Variants in DMD observed in about 807,000 individuals in gnomAD.
The protein encoded by DMD is dystrophin.
DMD carries 63 observed loss-of-function variants against 330.1 expected under a neutral mutation model. The ratio of observed to expected loss-of-function variants is 0.19; its 90% CI spans 0.16 to 0.24. The LOEUF is 0.24. Ranked by LOEUF, DMD falls within the 10% of genes least tolerant of loss-of-function variation. DMD has a pLI of 1.00. For synonymous variants in DMD, 1,223 were observed against 959.8 expected (o/e 1.27, Z -5.07); for missense variants, 3,344 against 2,684.1 (o/e 1.25, Z -5.43).
chrX:31,273,652 A>G (rs2147817160), intron 62 of DMD, among the ~76,000 whole-genome samples: 1 of 112,237 alleles, frequency 8.9e-6, no homozygotes, highest in African/African-American at 3.2e-5. Flanking sequence ...CAAATGCTAC[A>G]GATGAAGACA....
chrX:32,762,370 C>T (rs745493600), intron 7 of DMD, among the ~76,000 whole-genome samples: 8 of 111,178 alleles, frequency 7.2e-5, no homozygotes, highest in Non-Finnish European at 9.4e-5. Flanking sequence ...ACCATCTCTT[C>T]GGCATTCTCC....
At chrX:32,379,719 T>A (rs775128773) in intron 34 of DMD, among the ~76,000 whole-genome samples, 9 of 111,599 alleles carry the variant, frequency 8.1e-5, no homozygotes, top group Non-Finnish European at 1.1e-4. Flanking sequence ...ATTTCCCAAC[T>A]TTGAATAATC....
intron 55 of DMD, among the ~76,000 whole-genome samples, chrX:31,567,004 T>C (rs1221497004): frequency 2.7e-5 from 3 of 111,333 alleles, no homozygotes; most frequent in Admixed American, 9.5e-5. Context: ...ATGAGGAGCA[T>C]CTGTATATAA....
intron 45 of DMD, among the ~76,000 whole-genome samples, chrX:31,940,774 G>A (rs1000207862): frequency 3.6e-5 from 4 of 109,696 alleles, no homozygotes; most frequent in African/African-American, 1.3e-4. Context: ...GGGAAAGAAC[G>A]CCCTAAGCAG....
intron 13 of DMD, among the ~76,000 whole-genome samples, chrX:32,591,258 A>C (rs772671168): frequency 8.9e-6 from 1 of 112,263 alleles, no homozygotes; most frequent in Non-Finnish European, 1.9e-5. Context: ...TATATGGCAG[A>C]AATTCTCCTG....
intron 44 of DMD, among the ~76,000 whole-genome samples, chrX:31,972,466 G>A (rs1244899457): frequency 9.0e-6 from 1 of 111,532 alleles, no homozygotes; most frequent in Non-Finnish European, 1.9e-5. Flanking sequence ...ATGAAAAATA[G>A]AATGTGACAA....
chrX:32,183,553 AATATATATATATATATAAATATAT>A (rs1440453426), intron 44 of DMD, among the ~76,000 whole-genome samples: 1 of 83,984 alleles, frequency 1.2e-5, no homozygotes, highest in African/African-American at 4.5e-5. Flanking sequence ...CAGCTACACA[AATATATATATATATATAAATATAT>A]ATATATATAT....
intron 52 of DMD, among the ~76,000 whole-genome samples, chrX:31,710,678 C>A (rs898439407): frequency 1.8e-5 from 2 of 111,360 alleles, no homozygotes; most frequent in African/African-American, 6.5e-5. Context: ...ATTATTATTT[C>A]TTCTTTCAAA....
chrX:32,996,837 G>T (rs995760382), intron 2 of DMD, among the ~76,000 whole-genome samples: 8 of 110,497 alleles, frequency 7.2e-5, no homozygotes, highest in African/African-American at 2.3e-4. Flanking sequence ...AAACTAGCTT[G>T]CATTTTATTG....
chrX:33,009,052 G>C (rs1331653113), intron 2 of DMD, among the ~76,000 whole-genome samples: 1 of 90,811 alleles, frequency 1.1e-5, no homozygotes, highest in East Asian at 3.6e-4. Context: ...ATGTATATGT[G>C]TCTATATGCA....
At chrX:31,900,247 G>T (rs896892162) in intron 47 of DMD, among the ~76,000 whole-genome samples, 3 of 111,145 alleles carry the variant, frequency 2.7e-5, no homozygotes, top group Non-Finnish European at 3.8e-5. Flanking sequence ...TCACTGATAC[G>T]GTTTGGCTGT....
In DMD at chrX:31,509,699, C is replaced by G. The variant is rs182939469; in HGVS notation, c.8218-2246G>C. Among the ~76,000 whole-genome samples, 33 of 112,051 alleles carry G rather than the reference C, an allele frequency of 2.9e-4. No homozygotes were observed. In the East Asian group the frequency reaches 6.7e-3, roughly 23 times the overall value. The stretch of plus-strand genomic sequence containing the variant: ...AGGATGTTGATTCATGAATTTGCTA[C>G]TTTTCATCTTTGCCATATATATTAT... On this transcript the variant is annotated intron_variant, in intron 55 of 78. Transcript: ENST00000357033.
chrX:32,664,135 G>A (rs191321415), intron 9 of DMD, among the ~76,000 whole-genome samples: 132 of 111,337 alleles, frequency 1.2e-3, no homozygotes, highest in Non-Finnish European at 2.2e-3. Context: ...TGTTTAAAAG[G>A]CTATTTCACT....
At chrX:31,299,029 G>A (rs1425045561) in intron 62 of DMD, among the ~76,000 whole-genome samples, 1 of 111,660 alleles carries the variant, frequency 9.0e-6, no homozygotes, top group Non-Finnish European at 1.9e-5. Context: ...GCTAATGATG[G>A]AAGACTGTTG....
chrX:32,213,141 C>T (rs1289432022), intron 44 of DMD, among the ~76,000 whole-genome samples: 5 of 112,091 alleles, frequency 4.5e-5, no homozygotes, highest in African/African-American at 1.6e-4. Flanking sequence ...CTTCAGACTC[C>T]AACGTGCTTC....
At chrX:32,225,732 A>C (rs1230066673) in intron 43 of DMD, among the ~76,000 whole-genome samples, 2 of 103,565 alleles carry the variant, frequency 1.9e-5, no homozygotes, top group Middle Eastern at 4.4e-3. Context: ...CCCACCACCA[A>C]CTCTCTCTCT....
intron 56 of DMD, among the ~76,000 whole-genome samples, chrX:31,505,419 T>C (rs2070839198): frequency 1.8e-5 from 2 of 111,503 alleles, no homozygotes; most frequent in Admixed American, 9.5e-5. Context: ...CAAAACCTTA[T>C]ACATAAAAAT....
chrX:32,566,933 C>T (rs2051788348), intron 15 of DMD, among the ~76,000 whole-genome samples: 1 of 111,970 alleles, frequency 8.9e-6, no homozygotes, highest in Admixed American at 9.5e-5. Flanking sequence ...TAAACTAAAT[C>T]GCGATACCTG....
chrX:32,793,952 C>A (rs1488326501), intron 7 of DMD, among the ~76,000 whole-genome samples: 1 of 111,441 alleles, frequency 9.0e-6, no homozygotes, highest in Non-Finnish European at 1.9e-5. Context: ...AAATACAGGA[C>A]AACATCCCTG....
Sources: gnomAD v4.1 joint callset for allele counts (sites outside exome capture counted in the v4.1 genomes callset) on GRCh38, gnomAD v4.1.1 for gene constraint, MANE v1.5 for transcripts, NCBI Gene and HGNC (gene_info 2026-07-23, HGNC 2026-07-21) for gene names.